The following RCN2 variants were observed in gnomAD, a reference collection of about 807,000 sequenced individuals.
The protein encoded by RCN2 is reticulocalbin 2, also known as reticulocalbin-2.
RCN2 carries 23 observed loss-of-function variants against 37.5 expected under a neutral mutation model. That is an observed-to-expected ratio of 0.61 (90% CI 0.44 to 0.87). The LOEUF is 0.87. Among genes scored for constraint, RCN2 ranks in the 40% least tolerant of loss-of-function variants. The pLI is 0.00. For missense variants in RCN2, 381 were observed against 390.4 expected (o/e 0.98, Z 0.20); for synonymous variants, 140 against 144.6 (o/e 0.97, Z 0.23).
intron 3 of RCN2, 58 bp downstream of exon 3, chr15:76,935,780 G>T (rs763033714): frequency 1.5e-5 from 20 of 1,300,316 alleles, no homozygotes; most frequent in Non-Finnish European, 2.2e-5. Flanking sequence ...TTACCTTCCT[G>T]CATGAATGAG....
chr15:76,937,493 T>C (rs1306855459), intron 3 of RCN2, among the ~76,000 whole-genome samples: 2 of 152,054 alleles, frequency 1.3e-5, no homozygotes, highest in African/African-American at 4.8e-5. Flanking sequence ...CTCGGCTCAC[T>C]GCCTCCTGGG....
chr15:76,948,309 A>G (rs2075304522), intron 5 of RCN2, 101 bp from the exon 6 acceptor site: 34 of 761,358 alleles, frequency 4.5e-5, no homozygotes, highest in Non-Finnish European at 6.2e-5. Flanking sequence ...TTTCTTTAGT[A>G]AACTTTAAAT....
chr15:76,936,068 A>G (rs184506555), intron 3 of RCN2, among the ~76,000 whole-genome samples: 1 of 152,182 alleles, frequency 6.6e-6, no homozygotes, highest in Non-Finnish European at 1.5e-5. Flanking sequence ...ATTATGGCCC[A>G]TTCCCATTTT....
chr15:76,935,255 A>G (rs1389078547), intron 2 of RCN2, among the ~76,000 whole-genome samples: 2 of 152,192 alleles, frequency 1.3e-5, no homozygotes, highest in Non-Finnish European at 2.9e-5. Context: ...ACCGGGAGGC[A>G]GAGGTTGCAG....
rs1303255541 is a variant in RCN2 at position 76,953,774 on chromosome 15, A to AT, written c.*4558dup. 4.1e-5 allele frequency: 6 copies of AT among 146,670 alleles called. No individual in the cohort carries two copies. Among genetic ancestry groups the AT allele is most frequent in the East Asian group, 2.0e-4 (1 of 5,082 alleles). The allele number at this position is 146,670 out of a possible 1,614,324, so 9.1% of individuals were successfully genotyped here. ...AGGCGCCTGCCACCGCACCCGGCTAATTTTTTGTATTTTTAGTAGAGACGG... is the reference window on the plus strand; with the variant it reads ...AGGCGCCTGCCACCGCACCCGGCTAATTTTTTTGTATTTTTAGTAGAGACGG... On this transcript the variant is annotated 3_prime_UTR_variant, in exon 7 of 7. Transcript: ENST00000394885.
At chr15:76,944,898 G>C (rs1478725104) in intron 4 of RCN2, among the ~76,000 whole-genome samples, 3 of 152,220 alleles carry the variant, frequency 2.0e-5, no homozygotes, top group Non-Finnish European at 2.9e-5. Flanking sequence ...ATACCCAGCA[G>C]TGGGATTGCT....
intron 3 of RCN2, chr15:76,942,818 C>G (rs927632146): frequency 9.9e-5 from 15 of 152,204 alleles, no homozygotes; most frequent in African/African-American, 3.4e-4. Context: ...TGGCACATGC[C>G]TGTGGTCCCC....
rs60194309 is a variant in RCN2, at chr15:76,954,039, G to GTTTTTTTTTTTTTTTTTTTTTTTTTTTTT, written c.*4830_*4831insTTTTTTTTTTTTTTTTTTTTTTTTTTTTT. The GTTTTTTTTTTTTTTTTTTTTTTTTTTTTT allele has an allele frequency of 7.6e-6, 1 of 131,000 alleles. No individual in the cohort carries two copies. The highest frequency in any genetic ancestry group is 1.6e-5 in the Non-Finnish European group (1 of 62,440). The allele number at this position is 131,000 out of a possible 1,614,324, so 8.1% of individuals were successfully genotyped here. A position where few individuals can be genotyped will look rare whatever the true frequency, so the allele number is the denominator to read the frequency against. Reference sequence around the variant, plus strand: ...TCCTTACCAACACTTGCTATTTTCTGTTTTTTTTTTTTTCTTTTTTTTTTT... The same window carrying GTTTTTTTTTTTTTTTTTTTTTTTTTTTTT: ...TCCTTACCAACACTTGCTATTTTCTGTTTTTTTTTTTTTTTTTTTTTTTTTTTTTTTTTTTTTTTTTTCTTTTTTTTTTT... On this transcript the variant is annotated 3_prime_UTR_variant, in exon 7 of 7. Coordinates refer to ENST00000394885, the MANE Select transcript of RCN2 (RefSeq NM_002902.3).
chr15:76,938,215 G>A (rs2152650145), intron 3 of RCN2, among the ~76,000 whole-genome samples: 1 of 152,014 alleles, frequency 6.6e-6, no homozygotes, highest in East Asian at 1.9e-4. Flanking sequence ...TCCTGTTTTG[G>A]TATATACCTT....
At chr15:76,948,887 A>G (rs2075307345) in intron 6 of RCN2, 183 bp from the exon 7 acceptor site, 1 of 625,442 alleles carries the variant, frequency 1.6e-6, no homozygotes, top group Admixed American at 3.0e-5. Flanking sequence ...GCAGAAATGA[A>G]GAAAGGAGAT....
intron 3 of RCN2, chr15:76,942,047 C>G (rs913905117): frequency 3.6e-5 from 6 of 166,328 alleles, no homozygotes; most frequent in African/African-American, 1.4e-4. Context: ...AATTTTGAAA[C>G]ATTAAGTTAA....
chr15:76,952,087 G>A lies in RCN2; in HGVS notation c.*2865G>A, dbSNP rs1439827428. 6.6e-6 allele frequency: 1 copy of A among 150,856 alleles called. No individual in the cohort carries two copies. The highest frequency in any genetic ancestry group is 2.4e-5 in the African/African-American group (1 of 40,954). 9.3% of individuals were successfully genotyped at this position (150,856 alleles called of 1,614,324 possible). On this transcript the variant is annotated 3_prime_UTR_variant, in exon 7 of 7. Coordinates refer to ENST00000394885, the MANE Select transcript of RCN2 (RefSeq NM_002902.3). ...AAAATTGAGCAAAAAGTAGTATAGA[G>A]AGTTTCAATATGTCCCCTGCCCCAC...
Position 76,949,478 on chromosome 15 carries a change from G to T in RCN2, c.*256G>T. 3.6e-6 allele frequency: 1 copy of T among 273,992 alleles called. No homozygotes were observed. 17.0% of individuals were successfully genotyped at this position (273,992 alleles called of 1,614,324 possible). ...AAAGTCTTTCCTAAATACTCCATCT[G>T]TTTAGTACTGTATTGTGGAATATTT... On this transcript the variant is annotated 3_prime_UTR_variant, in exon 7 of 7. Transcript: ENST00000394885.
At chr15:76,939,166 G>A (rs2075266335) in intron 3 of RCN2, among the ~76,000 whole-genome samples, 1 of 152,062 alleles carries the variant, frequency 6.6e-6, no homozygotes, top group African/African-American at 2.4e-5. Context: ...AGGCAGTCAA[G>A]GCTGCGGTGA....
In RCN2 at chr15:76,950,041, TTTC is replaced by T. The variant is rs2075313159; in HGVS notation, c.*822_*824del. The T allele has an allele frequency of 6.6e-6, 1 of 152,508 alleles. No individual in the cohort carries two copies. Among genetic ancestry groups the T allele is most frequent in the Non-Finnish European group, 1.5e-5 (1 of 68,030 alleles). The allele number at this position is 152,508 out of a possible 1,614,324, so 9.4% of individuals were successfully genotyped here. A position where few individuals can be genotyped will look rare whatever the true frequency, so the allele number is the denominator to read the frequency against. The stretch of plus-strand genomic sequence containing the variant: ...AACTGTCAAATTATTCTTGCTGCAT[TTTC>T]TTATTTTTTTTTTAAATAAGAGAAT... On this transcript the variant is annotated 3_prime_UTR_variant, in exon 7 of 7. Coordinates refer to ENST00000394885, the MANE Select transcript of RCN2 (RefSeq NM_002902.3).
chr15:76,944,117 C>G (rs2075287514), intron 4 of RCN2, among the ~76,000 whole-genome samples: 1 of 149,684 alleles, frequency 6.7e-6, no homozygotes, highest in Non-Finnish European at 1.5e-5. Flanking sequence ...CTCAGCCTCT[C>G]TGAGTAGCTG....
At chr15:76,939,275 TAAAA>T (rs1446630221) in intron 3 of RCN2, among the ~76,000 whole-genome samples, 1 of 136,768 alleles carries the variant, frequency 7.3e-6, no homozygotes, top group African/African-American at 2.7e-5. Flanking sequence ...AATAAATAAA[TAAAA>T]ATTTCCTCTT....
rs755438411 is a variant in RCN2 at position 76,932,429 on chromosome 15, G to T, written c.213G>T (p.Lys71Asn). 2 of 1,611,062 alleles carry T rather than the reference G, an allele frequency of 1.2e-6. No homozygotes were observed. Among genetic ancestry groups the T allele is most frequent in the African/African-American group, 2.7e-5 (2 of 74,144 alleles). ...AAAAAAGACTGCAGGCGATCATAAAGAAAATCGACTTGGACTCAGATGGCT... is the reference window on the plus strand; with the variant it reads ...AAAAAAGACTGCAGGCGATCATAAATAAAATCGACTTGGACTCAGATGGCT... ...EQQKRLQAII[K>N]KIDLDSDGFL... Residue 71 changes from lysine to asparagine, a missense_variant, in exon 2 of 7, where the codon AAG (lysine) becomes AAT (asparagine). Physicochemically the swap from Lys to Asn is moderately conservative, Grantham distance 94. Coordinates refer to ENST00000394885, the MANE Select transcript of RCN2 (RefSeq NM_002902.3).
intron 3 of RCN2, among the ~76,000 whole-genome samples, chr15:76,939,616 C>A (rs2075269016): frequency 6.6e-6 from 1 of 152,114 alleles, no homozygotes; most frequent in Non-Finnish European, 1.5e-5. Flanking sequence ...TTGGGATCAT[C>A]TGTCTATTAA....
Sources: gnomAD v4.1 joint callset for allele counts (sites outside exome capture counted in the v4.1 genomes callset) on GRCh38, gnomAD v4.1.1 for gene constraint, MANE v1.5 for transcripts, NCBI Gene and HGNC (gene_info 2026-07-23, HGNC 2026-07-21) for gene names.